The following TMEM117 variants were observed in gnomAD, a reference collection of about 807,000 sequenced individuals.
TMEM117 encodes transmembrane protein 117.
A neutral mutation model predicts 52.4 loss-of-function variants in TMEM117; 27 were observed. That is an observed-to-expected ratio of 0.51 (90% CI 0.38 to 0.71). The LOEUF (loss-of-function observed/expected upper bound fraction) is 0.71. Ranked by LOEUF, TMEM117 falls within the 30% of genes least tolerant of loss-of-function variation. TMEM117 has a pLI of 0.00. For synonymous variants in TMEM117, 215 were observed against 206.3 expected (o/e 1.04, Z -0.36); for missense variants, 556 against 630.5 (o/e 0.88, Z 1.26).
At chr12:43,980,056 G>A (rs1338379390) in intron 3 of TMEM117, among the ~76,000 whole-genome samples, 1 of 152,160 alleles carries the variant, frequency 6.6e-6, no homozygotes, top group Non-Finnish European at 1.5e-5. Flanking sequence ...CAGGCTAAGA[G>A]CTCCCCTTCT....
At chr12:44,223,414 A>C (rs552037856) in intron 5 of TMEM117, among the ~76,000 whole-genome samples, 51 of 143,402 alleles carry the variant, frequency 3.6e-4, no homozygotes, top group East Asian at 1.5e-3. Context: ...TCAACCCCCC[A>C]GACCTTACTC....
intron 3 of TMEM117, among the ~76,000 whole-genome samples, chr12:44,115,245 G>A (rs1384144379): frequency 2.6e-5 from 4 of 152,128 alleles, no homozygotes; most frequent in Admixed American, 2.6e-4. Flanking sequence ...CCTCATAGGT[G>A]GGAATTGAAC....
chr12:44,198,729 G>A (rs534708212), intron 4 of TMEM117, among the ~76,000 whole-genome samples: 16 of 152,244 alleles, frequency 1.1e-4, no homozygotes, highest in Admixed American at 3.3e-4. Context: ...AATTTTTATG[G>A]TGTACTTGGA....
chr12:44,356,648 G>T (rs532136548), intron 6 of TMEM117, among the ~76,000 whole-genome samples: 67 of 152,036 alleles, frequency 4.4e-4, no homozygotes, highest in Non-Finnish European at 6.5e-4. Context: ...TGTTAATGAT[G>T]TCACCATCCC....
chr12:44,201,289 C>A (rs946544310), intron 4 of TMEM117, among the ~76,000 whole-genome samples: 1 of 152,066 alleles, frequency 6.6e-6, no homozygotes, highest in Non-Finnish European at 1.5e-5. Flanking sequence ...ACTTGACACA[C>A]GCCAAAATCC....
chr12:44,206,344 A>G (rs866666220), intron 4 of TMEM117, among the ~76,000 whole-genome samples: 2 of 152,170 alleles, frequency 1.3e-5, no homozygotes, highest in African/African-American at 2.4e-5. Flanking sequence ...CGGTAAACCA[A>G]CAACCTCCAG....
intron 5 of TMEM117, among the ~76,000 whole-genome samples, chr12:44,284,102 C>T (rs376486187): frequency 1.5e-3 from 224 of 152,252 alleles, no homozygotes; most frequent in African/African-American, 4.7e-3. Flanking sequence ...ACCATGAGGT[C>T]AAGAGATGGA....
At chr12:44,393,487 T>A (rs1952170021), downstream of TMEM117, among the ~76,000 whole-genome samples, 1 of 144,004 alleles carries the variant, frequency 6.9e-6, no homozygotes, top group South Asian at 2.2e-4. Flanking sequence ...TTAATTTCAC[T>A]ATACAGATGG....
rs1336755067 is a variant in TMEM117 at position 43,991,476 on chromosome 12, AT to A, written c.410+47135del. 2.9e-5 allele frequency among the ~76,000 whole-genome samples: 4 copies of A among 138,010 alleles called. No individual in the cohort carries two copies. The East Asian group carries it at 8.3e-4, about 29-fold the overall frequency. The allele number at this position is 138,010 out of a possible 152,430, so 90.5% of individuals were successfully genotyped here. A position where few individuals can be genotyped will look rare whatever the true frequency, so the allele number is the denominator to read the frequency against. On this transcript the variant is annotated intron_variant, in intron 3 of 7. Coordinates refer to ENST00000266534, the MANE Select transcript of TMEM117 (RefSeq NM_032256.3). ...ATCTATCTATCTATCTATCTATCTA[AT>A]CTATCTCTGTCTATCTATCTGTCCA... is the stretch of plus-strand genomic sequence containing the variant.
chr12:44,180,846 A>G (rs1592585434), intron 4 of TMEM117, among the ~76,000 whole-genome samples: 1 of 152,074 alleles, frequency 6.6e-6, no homozygotes, highest in Non-Finnish European at 1.5e-5. Context: ...AGCATGATTT[A>G]TAGTCCTTTG....
intron 5 of TMEM117, chr12:44,248,644 C>A: frequency 6.1e-6 from 1 of 163,286 alleles, no homozygotes; most frequent in South Asian, 1.7e-4. Flanking sequence ...AGAAGTCCTC[C>A]AATGCTGCCT....
intron 3 of TMEM117, among the ~76,000 whole-genome samples, chr12:44,078,552 A>G (rs1027349170): frequency 6.6e-6 from 1 of 152,212 alleles, no homozygotes; most frequent in African/African-American, 2.4e-5. Flanking sequence ...CAGAGGAGGC[A>G]CTTTGGTGCT....
intron 2 of TMEM117, among the ~76,000 whole-genome samples, chr12:43,937,995 G>T (rs1305187826): frequency 6.6e-6 from 1 of 152,002 alleles, no homozygotes. Context: ...TTATTTTGCG[G>T]CTTGTGCTCA....
chr12:44,074,675 T>C (rs1011132768), intron 3 of TMEM117, among the ~76,000 whole-genome samples: 1 of 152,150 alleles, frequency 6.6e-6, no homozygotes, highest in African/African-American at 2.4e-5. Context: ...CAAATGTATA[T>C]ATATCATATA....
At chr12:44,206,511 C>G (rs1160776467) in intron 4 of TMEM117, among the ~76,000 whole-genome samples, 1 of 152,116 alleles carries the variant, frequency 6.6e-6, no homozygotes, top group Non-Finnish European at 1.5e-5. Flanking sequence ...GACAAATGCA[C>G]ATGGATGTTT....
intron 3 of TMEM117, among the ~76,000 whole-genome samples, chr12:44,118,226 C>T (rs937987825): frequency 1.3e-5 from 2 of 152,058 alleles, no homozygotes; most frequent in Non-Finnish European, 2.9e-5. Flanking sequence ...ACAATATTTT[C>T]ATGGGAAATA....
chr12:44,023,016 T>A (rs1211740885), intron 3 of TMEM117, among the ~76,000 whole-genome samples: 2 of 152,158 alleles, frequency 1.3e-5, no homozygotes, highest in Non-Finnish European at 2.9e-5. Context: ...TTTATTCATG[T>A]TACACAGATG....
intron 3 of TMEM117, among the ~76,000 whole-genome samples, chr12:44,049,716 A>G (rs1427924489): frequency 3.9e-5 from 6 of 152,204 alleles, no homozygotes; most frequent in Non-Finnish European, 8.8e-5. Flanking sequence ...TAAAATTTTA[A>G]TAGTCTATAA....
At chr12:44,011,755 A>G (rs1362402029) in intron 3 of TMEM117, among the ~76,000 whole-genome samples, 1 of 152,176 alleles carries the variant, frequency 6.6e-6, no homozygotes, top group Admixed American at 6.5e-5. Context: ...AATTACAACA[A>G]TATACTGTAA....
Sources: gnomAD v4.1 joint callset for allele counts (sites outside exome capture counted in the v4.1 genomes callset) on GRCh38, gnomAD v4.1.1 for gene constraint, MANE v1.5 for transcripts, NCBI Gene and HGNC (gene_info 2026-07-23, HGNC 2026-07-21) for gene names.